NAP1L4: variants seen among roughly 807,000 people sequenced by gnomAD.
The protein encoded by NAP1L4 is nucleosome assembly protein 1-like 4.
Under a neutral mutation model 58.2 loss-of-function variants are expected in NAP1L4, and 15 were observed. The observed-to-expected ratio is 0.26, with a 90% CI of 0.17 to 0.40. NAP1L4 has a LOEUF of 0.40. Ranked by LOEUF, NAP1L4 falls within the 10% of genes least tolerant of loss-of-function variation. The pLI, the probability that NAP1L4 is intolerant of heterozygous loss-of-function variation, is 1.00. For missense variants in NAP1L4, 384 were observed against 451.1 expected, an observed-to-expected ratio of 0.85 and a Z score of 1.35; for synonymous variants, 171 against 155.6, an observed-to-expected ratio of 1.10 and a Z score of -0.74.
intron 12 of NAP1L4, chr11:2,952,116 G>C: frequency 2.2e-6 from 1 of 446,108 alleles, no homozygotes; most frequent in Non-Finnish European, 4.0e-6. Flanking sequence ...TCACACCGAG[G>C]AGCAGGCACA....
intron 10 of NAP1L4, among the ~76,000 whole-genome samples, chr11:2,956,267 C>T (rs1332470249): frequency 6.6e-6 from 1 of 152,154 alleles, no homozygotes; most frequent in Non-Finnish European, 1.5e-5. Context: ...TGCTGGAATG[C>T]CCACCAGGGG....
chr11:2,958,298 T>C (rs1199696744), intron 10 of NAP1L4, 101 bp downstream of exon 10: 3 of 1,284,322 alleles, frequency 2.3e-6, no homozygotes, highest in Non-Finnish European at 3.4e-6. Context: ...CACACTTGCC[T>C]GAAAAAAGAG....
chr11:2,979,375 T>A, intron 1 of NAP1L4, 138 bp from the exon 2 acceptor site: 1 of 668,308 alleles, frequency 1.5e-6, no homozygotes, highest in South Asian at 2.0e-5. Context: ...GATGAAAATG[T>A]TCTAGATCTT....
chr11:2,972,557 C>A (rs1307147467), intron 4 of NAP1L4, among the ~76,000 whole-genome samples: 1 of 152,166 alleles, frequency 6.6e-6, no homozygotes, highest in Non-Finnish European at 1.5e-5. Flanking sequence ...CAATTAAAAA[C>A]CAAAACAAAA....
chr11:2,956,440 G>C (rs1278874300), intron 10 of NAP1L4, among the ~76,000 whole-genome samples: 1 of 152,166 alleles, frequency 6.6e-6, no homozygotes, highest in Non-Finnish European at 1.5e-5. Flanking sequence ...ACAAGACCCT[G>C]AGCTTCATCA....
At chr11:2,987,906 C>A (rs1848740071) in intron 1 of NAP1L4, among the ~76,000 whole-genome samples, 1 of 152,122 alleles carries the variant, frequency 6.6e-6, no homozygotes, top group Admixed American at 6.5e-5. Flanking sequence ...GCCAAGAAAT[C>A]TTTGCTTAAC....
chr11:2,957,422 G>GT (rs2133924086), intron 10 of NAP1L4, among the ~76,000 whole-genome samples: 1 of 152,320 alleles, frequency 6.6e-6, no homozygotes, highest in African/African-American at 2.4e-5. Context: ...ATAAATAAGG[G>GT]TGCTAAGCTC....
In NAP1L4 at chr11:2,956,008, T is replaced by C. The variant is rs193000165; in HGVS notation, c.893-242A>G. ...CCTTCTCCTCCTCCATCATGTGCCA[T>C]GGGCTGGCACTCAAGCTTGAGAAGA... On this transcript the variant is annotated intron_variant, in intron 10 of 15. Transcript: ENST00000380542. Among the ~76,000 whole-genome samples, 344 of 152,034 alleles carry C rather than the reference T, an allele frequency of 2.3e-3. 3 individuals carry two copies. The highest frequency in any genetic ancestry group is 7.8e-3 in the African/African-American group (323 of 41,468).
chr11:2,970,599 A>G (rs1304103626), intron 6 of NAP1L4, among the ~76,000 whole-genome samples: 1 of 152,148 alleles, frequency 6.6e-6, no homozygotes, highest in Non-Finnish European at 1.5e-5. Flanking sequence ...GAAAAGGTAG[A>G]CCAAGGGAGG....
At chr11:2,978,141 A>T in intron 3 of NAP1L4, 143 bp downstream of exon 3, 1 of 695,548 alleles carries the variant, frequency 1.4e-6, no homozygotes, top group Admixed American at 3.0e-5. Context: ...TTTGTTAATG[A>T]GATACTGATT....
chr11:2,981,005 G>C, intron 1 of NAP1L4, among the ~76,000 whole-genome samples: 1 of 152,028 alleles, frequency 6.6e-6, no homozygotes, highest in Non-Finnish European at 1.5e-5. Context: ...AAAGTGGGCA[G>C]ATTAGTTGAA....
chr11:2,973,410 C>G lies in NAP1L4; in HGVS notation c.174-1167G>C, dbSNP rs143399064. On this transcript the variant is annotated intron_variant, in intron 4 of 15. Transcript: ENST00000380542. ...ATAGACCCAAATAATCTACCTGGGG[C>G]AGGGCCCTGGGTCCTGCATCTTGAA... Among the ~76,000 whole-genome samples the G allele has an allele frequency of 3.1e-3, 467 of 152,300 alleles. 5 individuals carry two copies. Among genetic ancestry groups the G allele is most frequent in the African/African-American group, 0.01 (422 of 41,556 alleles).
At chr11:2,973,864 G>A (rs1847792743) in intron 4 of NAP1L4, among the ~76,000 whole-genome samples, 1 of 152,014 alleles carries the variant, frequency 6.6e-6, no homozygotes, top group South Asian at 2.1e-4. Flanking sequence ...AACTTTCTGG[G>A]CTCAAATGAT....
At chr11:2,952,971 C>A (rs1485581768) in intron 12 of NAP1L4, among the ~76,000 whole-genome samples, 1 of 152,198 alleles carries the variant, frequency 6.6e-6, no homozygotes, top group African/African-American at 2.4e-5. Flanking sequence ...TATGCCAACA[C>A]TTACTGAGTC....
intron 8 of NAP1L4, 133 bp from the exon 9 acceptor site, chr11:2,960,042 T>A (rs1846772255): frequency 1.1e-6 from 1 of 877,736 alleles, no homozygotes; most frequent in African/African-American, 1.7e-5. Flanking sequence ...CAAGAAAAAC[T>A]TCTCCACCGC....
chr11:2,987,635 T>C (rs1046539921), intron 1 of NAP1L4, among the ~76,000 whole-genome samples: 1 of 149,500 alleles, frequency 6.7e-6, no homozygotes, highest in African/African-American at 2.5e-5. Context: ...TGAGCACCTG[T>C]AATCCCAGCT....
Position 2,954,529 on chromosome 11 carries a change from T to A in NAP1L4, c.1033A>T (p.Asn345Tyr). Reference protein sequence around the residue: ...FTGEAIEDDDNFEEGEEGEEE... With the variant: ...FTGEAIEDDDYFEEGEEGEEE... ...CCCCCCTTCCCCGAGCCTCATACAT[T>A]GTCATCATCTTCTATGGCCTCCCCA... Residue 345 changes from asparagine (N) to tyrosine (Y), a missense_variant and splice_region_variant, in exon 12 of 16, where the codon AAT (asparagine) becomes TAT (tyrosine). Asn to Tyr is a moderately radical substitution (Grantham distance 143, BLOSUM62 -2). Coordinates refer to ENST00000380542, the MANE Select transcript of NAP1L4 (RefSeq NM_005969.4). This position sits in a 1 kb window ranked among gnomAD's most constrained non-coding sequence, Gnocchi z 4.8. 1 of 1,614,122 alleles carries A rather than the reference T, an allele frequency of 6.2e-7. No homozygotes were observed. Among genetic ancestry groups the A allele is most frequent in the Non-Finnish European group, 8.5e-7 (1 of 1,180,004 alleles).
intron 12 of NAP1L4, among the ~76,000 whole-genome samples, chr11:2,953,210 T>C (rs1045209132): frequency 6.6e-6 from 1 of 152,212 alleles, no homozygotes; most frequent in Non-Finnish European, 1.5e-5. Context: ...GAAACGCACA[T>C]GTACTATAAG....
rs151174136 is a variant in NAP1L4 at position 2,962,557 on chromosome 11, T to C, written c.606+2123A>G. ...ATAATTTTACAAAGGAAAAAGAGTATGGGGAAATTCACTAAGCTGCTGAGA... is the reference window on the plus strand; with the variant it reads ...ATAATTTTACAAAGGAAAAAGAGTACGGGGAAATTCACTAAGCTGCTGAGA... On this transcript the variant is annotated intron_variant, in intron 8 of 15. Transcript: ENST00000380542. Among the ~76,000 whole-genome samples the C allele has an allele frequency of 4.4e-3, 669 of 152,328 alleles. 2 individuals carry two copies. The highest frequency in any genetic ancestry group is 0.015 in the African/African-American group (636 of 41,578).
Sources: gnomAD v4.1 joint callset for allele counts (sites outside exome capture counted in the v4.1 genomes callset) on GRCh38, gnomAD v4.1.1 for gene constraint, Gnocchi (gnomAD v3.1) non-coding constraint, MANE v1.5 for transcripts, NCBI Gene and HGNC (gene_info 2026-07-23, HGNC 2026-07-21) for gene names.